Variants in AP1M1 observed in about 807,000 individuals in gnomAD.
AP1M1 encodes the protein AP-1 complex subunit mu-1.
Under a neutral mutation model 57.1 loss-of-function variants are expected in AP1M1, and 18 were observed. The observed-to-expected ratio is 0.32, with a 90% CI of 0.22 to 0.47. The LOEUF (loss-of-function observed/expected upper bound fraction) is 0.47. Among genes scored for constraint, AP1M1 ranks in the 20% least tolerant of loss-of-function variants. AP1M1 has a pLI of 1.00. For synonymous variants in AP1M1, 241 were observed against 237.9 expected, an observed-to-expected ratio of 1.01 and a Z score of -0.12; for missense variants, 362 against 593.5, an observed-to-expected ratio of 0.61 and a Z score of 4.05.
rs1282819483 is a variant in AP1M1 at position 16,243,009 on chromosome 19, G to A, written c.*8574G>A. On this transcript the variant is annotated 3_prime_UTR_variant, in exon 12 of 12. Coordinates refer to ENST00000291439, the MANE Select transcript of AP1M1 (RefSeq NM_032493.4). ...CTGGTCTTGAACCCTGACCTCAGGT[G>A]ATCCACCCCCACTGGCCTCCCAAAG... The A allele has an allele frequency of 6.6e-6, 1 of 151,896 alleles. No homozygotes were observed. The highest frequency in any genetic ancestry group is 1.5e-5 in the Non-Finnish European group (1 of 67,992). 9.4% of individuals were successfully genotyped at this position (151,896 alleles called of 1,614,324 possible). A position where few individuals can be genotyped will look rare whatever the true frequency, so the allele number is the denominator to read the frequency against.
chr19:16,218,008 T>C (rs552118912), intron 5 of AP1M1, among the ~76,000 whole-genome samples: 3 of 152,320 alleles, frequency 2.0e-5, no homozygotes, highest in Admixed American at 1.3e-4. Flanking sequence ...ACTTGGAAGT[T>C]ACTACCCTTT....
chr19:16,226,141 G>C (rs1183430095), intron 5 of AP1M1, among the ~76,000 whole-genome samples: 1 of 22,178 alleles, frequency 4.5e-5, no homozygotes, highest in African/African-American at 6.6e-5. Flanking sequence ...GAGGCCTAGA[G>C]GGCAGGACCC....
intron 10 of AP1M1, chr19:16,233,974 G>T (rs373515839): frequency 8.8e-6 from 5 of 569,826 alleles, no homozygotes; most frequent in Non-Finnish European, 1.5e-5. Context: ...TGCTGAGGCC[G>T]TGTCTGCAAG....
At chr19:16,223,532 C>T (rs967546561) in intron 5 of AP1M1, among the ~76,000 whole-genome samples, 3 of 152,178 alleles carry the variant, frequency 2.0e-5, no homozygotes, top group Non-Finnish European at 4.4e-5. Context: ...GTTGCCCCAC[C>T]CCCTCGGAAC....
Position 16,228,190 on chromosome 19 carries a change from C to T in AP1M1, c.870C>T (p.Arg290=). The T allele has an allele frequency of 6.2e-7, 1 of 1,613,816 alleles. No individual in the cohort carries two copies. Among genetic ancestry groups the T allele is most frequent in the Non-Finnish European group, 8.5e-7 (1 of 1,180,018 alleles). The part of the protein sequence containing the change: ...ESVIEKHSHS[R]IEYMIKAKSQ... ...TGATCGAGAAGCACTCCCACAGCCGCATCGAGTACATGATCAAGGTGCGTG... is the reference window on the plus strand; with the variant it reads ...TGATCGAGAAGCACTCCCACAGCCGTATCGAGTACATGATCAAGGTGCGTG... The change falls in exon 8 of 12, where the codon CGC becomes CGT. Residue 290 remains arginine (R), a synonymous_variant. Coordinates refer to ENST00000291439, the MANE Select transcript of AP1M1 (RefSeq NM_032493.4). The surrounding 1 kb of genome is among the most constrained non-coding windows in gnomAD (Gnocchi z 5.0).
At chr19:16,214,512 C>T (rs4808036) in intron 5 of AP1M1, among the ~76,000 whole-genome samples, 99,941 of 151,620 alleles carry the variant, frequency 0.66, 35,153 homozygotes, top group Non-Finnish European at 0.8. Context: ...CCACCATGAC[C>T]GGCTAATTTT....
chr19:16,209,619 G>A (rs1191224542), intron 5 of AP1M1, among the ~76,000 whole-genome samples: 4 of 146,790 alleles, frequency 2.7e-5, no homozygotes, highest in Non-Finnish European at 3.0e-5. Flanking sequence ...ACCATGCACA[G>A]AAAAAAAAAA....
In AP1M1 at chr19:16,212,807, T is replaced by C. The variant is rs998607189; in HGVS notation, c.546+3630T>C. Among the ~76,000 whole-genome samples the C allele has an allele frequency of 1.6e-4, 24 of 152,370 alleles. 1 individual carries two copies. Among genetic ancestry groups the C allele is most frequent in the African/African-American group, 5.0e-4 (21 of 41,598 alleles). On this transcript the variant is annotated intron_variant, in intron 5 of 11. Transcript: ENST00000291439. ...CTGGTCTGTTGTATCTTTGTTCTTATTTGTTTCAAATAATTTCTTGACTTC... is the reference window on the plus strand; with the variant it reads ...CTGGTCTGTTGTATCTTTGTTCTTACTTGTTTCAAATAATTTCTTGACTTC...
chr19:16,204,851 GAC>G, intron 2 of AP1M1, among the ~76,000 whole-genome samples: 1 of 143,784 alleles, frequency 7.0e-6, no homozygotes, highest in South Asian at 2.2e-4. Context: ...TTTTTTTTGA[GAC>G]AGAGTCTCGC....
chr19:16,225,491 AT>A (rs2091567300), intron 5 of AP1M1, among the ~76,000 whole-genome samples: 1 of 152,146 alleles, frequency 6.6e-6, no homozygotes, highest in Non-Finnish European at 1.5e-5. Flanking sequence ...CACCTCTAAA[AT>A]GGATGCAAGA....
intron 1 of AP1M1, among the ~76,000 whole-genome samples, chr19:16,199,359 G>T (rs541149361): frequency 1.3e-5 from 2 of 152,308 alleles, no homozygotes; most frequent in African/African-American, 4.8e-5. Flanking sequence ...TTTAAGAAGG[G>T]ATTGTCCCCA....
chr19:16,208,553 C>T (rs983776668), intron 4 of AP1M1, among the ~76,000 whole-genome samples: 6 of 152,156 alleles, frequency 3.9e-5, no homozygotes, highest in Non-Finnish European at 7.3e-5. Flanking sequence ...CACATTCACT[C>T]GATTCACAGC....
At chr19:16,218,337 C>T (rs1019230253) in intron 5 of AP1M1, among the ~76,000 whole-genome samples, 16 of 152,336 alleles carry the variant, frequency 1.1e-4, no homozygotes, top group Admixed American at 7.2e-4. Flanking sequence ...TGCATCACTA[C>T]CACTTCTTTA....
rs2091638967 is a variant in AP1M1, at chr19:16,239,887, CG to C, written c.*5455del. 1.3e-5 allele frequency: 2 copies of C among 152,010 alleles called. No individual in the cohort carries two copies. The allele number at this position is 152,010 out of a possible 1,614,324, so 9.4% of individuals were successfully genotyped here. A position where few individuals can be genotyped will look rare whatever the true frequency, so the allele number is the denominator to read the frequency against. On this transcript the variant is annotated 3_prime_UTR_variant, in exon 12 of 12. Transcript: ENST00000291439. ...AAGAGAGCTGTCTGAGGCAGTTACC[CG>C]GGACATAGCACAGCTAATGAGACAT...
chr19:16,197,982 C>CGCCGCCACCGCCCTCGGCCGCTGCA lies in AP1M1; in HGVS notation c.-21_-20insAGCCGCCACCGCCCTCGGCCGCTGC. The stretch of plus-strand genomic sequence containing the variant: ...GCCCAGCAGTCCCCACCGTCGCTGC[C>CGCCGCCACCGCCCTCGGCCGCTGCA]GCCGCCACCGCCCTCGGCCGCTGCC... On this transcript the variant is annotated 5_prime_UTR_variant, in exon 1 of 12. Coordinates refer to ENST00000291439, the MANE Select transcript of AP1M1 (RefSeq NM_032493.4). 1.3e-6 allele frequency: 2 copies of CGCCGCCACCGCCCTCGGCCGCTGCA among 1,531,754 alleles called. No homozygotes were observed. Among genetic ancestry groups the CGCCGCCACCGCCCTCGGCCGCTGCA allele is most frequent in the Non-Finnish European group, 1.8e-6 (2 of 1,139,444 alleles). 94.9% of individuals were successfully genotyped at this position (1,531,754 alleles called of 1,614,324 possible).
Position 16,209,065 on chromosome 19 carries a change from G to A in AP1M1, c.434G>A (p.Gly145Glu). The change falls in exon 5 of 12, where the codon GGG becomes GAG. Residue 145 changes from glycine (G) to glutamate (E), a missense_variant. By Grantham distance (98) the Gly-to-Glu change is moderately conservative (BLOSUM62 -2). Transcript: ENST00000291439. ...CAGGAAGGCCACAAGCTGGAAACAG[G>A]GGCCCCGCGGCCACCAGCCACCGTC... ...ITQEGHKLET[G>E]APRPPATVTN... The A allele has an allele frequency of 6.2e-7, 1 of 1,614,116 alleles. No homozygotes were observed.
At chr19:16,205,715 C>T (rs926965815) in intron 2 of AP1M1, among the ~76,000 whole-genome samples, 2 of 152,198 alleles carry the variant, frequency 1.3e-5, no homozygotes, top group Non-Finnish European at 2.9e-5. Flanking sequence ...CACACTGACC[C>T]TGGGAGGCAG....
Position 16,209,222 on chromosome 19 carries a change from C to T in AP1M1, c.546+45C>T, listed in dbSNP as rs781563340. On this transcript the variant is annotated intron_variant, in intron 5 of 11. Transcript: ENST00000291439. ...TTCTTCTGTAGGGTTTTATCTCTTCCACGATAGAAATAAACACAGCATTTT... is the reference window on the plus strand; with the variant it reads ...TTCTTCTGTAGGGTTTTATCTCTTCTACGATAGAAATAAACACAGCATTTT... 4 of 1,601,316 alleles carry T rather than the reference C, an allele frequency of 2.5e-6. No homozygotes were observed. In the South Asian group the frequency reaches 4.4e-5, roughly 18 times the overall value.
chr19:16,202,583 G>A lies in AP1M1; in HGVS notation c.43-876G>A, dbSNP rs116918497. 9.5e-3 allele frequency among the ~76,000 whole-genome samples: 1,441 copies of A among 152,306 alleles called. 17 individuals carry two copies. The highest frequency in any genetic ancestry group is 0.014 in the Non-Finnish European group (922 of 68,024). Reference sequence around the variant, plus strand: ...TTTTCTAGGATTTTATACACGTGCAGTCATGCAGGATGAGCTCTCGTTTGT... The same window carrying A: ...TTTTCTAGGATTTTATACACGTGCAATCATGCAGGATGAGCTCTCGTTTGT... On this transcript the variant is annotated intron_variant, in intron 1 of 11. Coordinates refer to ENST00000291439, the MANE Select transcript of AP1M1 (RefSeq NM_032493.4).
Sources: gnomAD v4.1 joint callset for allele counts (sites outside exome capture counted in the v4.1 genomes callset) on GRCh38, gnomAD v4.1.1 for gene constraint, Gnocchi (gnomAD v3.1) non-coding constraint, MANE v1.5 for transcripts, NCBI Gene and HGNC (gene_info 2026-07-23, HGNC 2026-07-21) for gene names.